Variants in PSPH observed in about 807,000 individuals in gnomAD.
The protein encoded by PSPH is phosphoserine phosphatase.
In PSPH, 16 loss-of-function variants were observed where a neutral mutation model predicts 23.4. That is an observed-to-expected ratio of 0.68 (90% CI 0.46 to 1.04). PSPH has a LOEUF of 1.04. PSPH is among the 50% of genes least tolerant of loss of function. PSPH has a pLI of 0.00. For missense variants in PSPH, 223 were observed against 273.7 expected, an observed-to-expected ratio of 0.81 and a Z score of 1.31; for synonymous variants, 68 against 99.7, an observed-to-expected ratio of 0.68 and a Z score of 1.89.
intron 5 of PSPH, among the ~76,000 whole-genome samples, chr7:56,018,501 C>T (rs372296045): frequency 5.3e-5 from 8 of 152,030 alleles, no homozygotes; most frequent in Non-Finnish European, 7.4e-5. Context: ...AGGCAGAAAC[C>T]GACAGGACCA....
Position 56,019,671 on chromosome 7 carries a change from G to A in PSPH, c.204C>T (p.Leu68=). The A allele has an allele frequency of 6.4e-7, 1 of 1,567,906 alleles. No homozygotes were observed. Among genetic ancestry groups the A allele is most frequent in the African/African-American group, 1.4e-5 (1 of 70,856 alleles). ...FKAALTERLA[L]IQPSREQVQR... is the part of the protein sequence containing the mutation. ...GCACCTGCTCCCTGGAGGGCTGGAT[G>A]AGGGCTAAGCGCTCTGTGAGAGCAG... Residue 68 remains leucine (L), a synonymous_variant, in exon 5 of 8, where the codon CTC becomes CTT. Transcript: ENST00000275605.
At chr7:56,019,140 C>T (rs1788975144) in intron 5 of PSPH, among the ~76,000 whole-genome samples, 1 of 151,844 alleles carries the variant, frequency 6.6e-6, no homozygotes, top group African/African-American at 2.4e-5. Flanking sequence ...GAGACGCTGA[C>T]TCTAAAAAAA....
At chr7:56,020,413 T>G (rs1218822286) in intron 4 of PSPH, among the ~76,000 whole-genome samples, 1 of 151,712 alleles carries the variant, frequency 6.6e-6, no homozygotes. Flanking sequence ...GATCACGAGG[T>G]CAGGAGTTCG....
intron 1 of PSPH, among the ~76,000 whole-genome samples, chr7:56,050,886 A>C (rs1370038305): frequency 6.6e-6 from 1 of 152,098 alleles, no homozygotes; most frequent in African/African-American, 2.4e-5. Flanking sequence ...TATTTATTAA[A>C]AATAAAATAC....
At chr7:56,023,291 C>T (rs1280169981) in intron 3 of PSPH, among the ~76,000 whole-genome samples, 2 of 152,010 alleles carry the variant, frequency 1.3e-5, no homozygotes, top group Non-Finnish European at 1.5e-5. Flanking sequence ...CAAGTTCTCA[C>T]TCTGTCACCC....
intron 1 of PSPH, among the ~76,000 whole-genome samples, chr7:56,046,270 G>A (rs1425975917): frequency 2.6e-5 from 4 of 152,216 alleles, no homozygotes; most frequent in South Asian, 4.1e-4. Context: ...CTGAGTAGCT[G>A]GGATTACAGG....
At chr7:56,012,398 C>A (rs1325062989) in intron 7 of PSPH, among the ~76,000 whole-genome samples, 2 of 152,040 alleles carry the variant, frequency 1.3e-5, no homozygotes. Flanking sequence ...CTCAGCTGGT[C>A]TTGAACCTCT....
At chr7:56,040,524 A>G (rs1792389490) in intron 1 of PSPH, among the ~76,000 whole-genome samples, 2 of 152,124 alleles carry the variant, frequency 1.3e-5, no homozygotes, top group South Asian at 4.1e-4. Context: ...AGCTATTTTT[A>G]ATCTTATAAT....
intron 1 of PSPH, among the ~76,000 whole-genome samples, chr7:56,047,798 C>G (rs1562836492): frequency 6.6e-6 from 1 of 151,664 alleles, no homozygotes; most frequent in Non-Finnish European, 1.5e-5. Context: ...TACTGAGTAA[C>G]TGGGATTACA....
chr7:56,047,125 T>G (rs569431630), intron 1 of PSPH, among the ~76,000 whole-genome samples: 6 of 152,118 alleles, frequency 3.9e-5, no homozygotes, highest in Non-Finnish European at 8.8e-5. Context: ...GGCTCACGCC[T>G]GTAACCCCAG....
intron 3 of PSPH, among the ~76,000 whole-genome samples, chr7:56,026,763 T>A (rs924560270): frequency 5.3e-5 from 8 of 152,190 alleles, no homozygotes; most frequent in African/African-American, 1.9e-4. Flanking sequence ...AGCAGGTCTA[T>A]CAGCAGAGTA....
At chr7:56,036,214 G>T (rs1322738613) in intron 1 of PSPH, among the ~76,000 whole-genome samples, 2 of 150,922 alleles carry the variant, frequency 1.3e-5, no homozygotes, top group African/African-American at 4.9e-5. Flanking sequence ...GCAACAGAGC[G>T]AGAATCCATC....
chr7:56,019,015 C>T (rs940921483), intron 5 of PSPH, among the ~76,000 whole-genome samples: 3 of 151,198 alleles, frequency 2.0e-5, no homozygotes, highest in African/African-American at 7.3e-5. Flanking sequence ...TGGTGGCATG[C>T]ACCTGTAGTC....
At chr7:56,020,749 G>A (rs918255594) in intron 4 of PSPH, among the ~76,000 whole-genome samples, 3 of 152,148 alleles carry the variant, frequency 2.0e-5, no homozygotes, top group Non-Finnish European at 2.9e-5. Context: ...TCCACCAAGA[G>A]ACTCTGAACC....
At chr7:56,016,890 TTGAGTC>T (rs1313871143) in intron 6 of PSPH, among the ~76,000 whole-genome samples, 1 of 152,158 alleles carries the variant, frequency 6.6e-6, no homozygotes, top group Non-Finnish European at 1.5e-5. Flanking sequence ...AGTCTCCTTC[TTGAGTC>T]TAAATTGCTT....
chr7:56,012,049 G>A (rs921046690), intron 7 of PSPH, among the ~76,000 whole-genome samples, 180 bp from the exon 8 acceptor site: 1 of 151,728 alleles, frequency 6.6e-6, no homozygotes, highest in African/African-American at 2.4e-5. Context: ...GTGACTCCAG[G>A]TATGCCCCAC....
chr7:56,051,100 G>A (rs1159470698), intron 1 of PSPH, 38 bp downstream of exon 1: 2 of 152,202 alleles, frequency 1.3e-5, no homozygotes, highest in African/African-American at 2.4e-5. Context: ...CGGGACACTG[G>A]ATACTGGAAA....
intron 6 of PSPH, among the ~76,000 whole-genome samples, chr7:56,016,743 G>A (rs1408610405): frequency 6.6e-6 from 1 of 151,502 alleles, no homozygotes; most frequent in East Asian, 1.9e-4. Context: ...GCTAATTTTT[G>A]TATTTTTTTT....
intron 1 of PSPH, among the ~76,000 whole-genome samples, chr7:56,049,682 C>A (rs1370832521): frequency 6.6e-6 from 1 of 151,948 alleles, no homozygotes; most frequent in Admixed American, 6.6e-5. Context: ...AGGTGATCCA[C>A]CCGCTTCTGC....
Sources: gnomAD v4.1 joint callset for allele counts (sites outside exome capture counted in the v4.1 genomes callset) on GRCh38, gnomAD v4.1.1 for gene constraint, MANE v1.5 for transcripts, NCBI Gene and HGNC (gene_info 2026-07-23, HGNC 2026-07-21) for gene names.